The following SLC14A2 variants were observed in gnomAD, a reference collection of about 807,000 sequenced individuals.
SLC14A2 encodes urea transporter 2.
Under a neutral mutation model 104.6 loss-of-function variants are expected in SLC14A2, and 91 were observed. The observed-to-expected ratio is 0.87, with a 90% confidence interval of 0.73 to 1.04. SLC14A2 has a LOEUF of 1.04. SLC14A2 is among the 50% of genes least tolerant of loss of function. The pLI is 0.00. For synonymous variants in SLC14A2, 476 were observed against 466.4 expected, an observed-to-expected ratio of 1.02 and a Z score of -0.27; for missense variants, 1,189 against 1,156.0, an observed-to-expected ratio of 1.03 and a Z score of -0.41.
intron 1 of SLC14A2, among the ~76,000 whole-genome samples, chr18:45,323,226 C>A (rs1014424616): frequency 1.1e-4 from 17 of 152,278 alleles, no homozygotes; most frequent in African/African-American, 3.6e-4. Context: ...ACTGTTGGAA[C>A]AATAACCTCA....
intron 1 of SLC14A2, among the ~76,000 whole-genome samples, chr18:45,325,398 A>G (rs890886504): frequency 6.6e-6 from 1 of 152,204 alleles, no homozygotes. Flanking sequence ...CTTGTGACTT[A>G]CATACATTCA....
At chr18:45,595,571 C>T (rs80253502) in intron 2 of SLC14A2, among the ~76,000 whole-genome samples, 12,191 of 152,202 alleles carry the variant, frequency 0.08, 659 homozygotes, top group Non-Finnish European at 0.12. Context: ...ATGGTTGGGG[C>T]TAGAAATTGT....
At chr18:45,352,226 T>C (rs970809869) in intron 1 of SLC14A2, among the ~76,000 whole-genome samples, 8 of 152,044 alleles carry the variant, frequency 5.3e-5, no homozygotes, top group Non-Finnish European at 1.2e-4. Context: ...TTGAGTCCTG[T>C]GTAAATTTTC....
the SLC14A2 span, chr18:45,180,981 C>T: frequency 1.3e-5 from 2 of 152,354 alleles, no homozygotes; most frequent in Non-Finnish European, 2.9e-5. Flanking sequence ...GGACACTGTC[C>T]TAGCCAACTG....
chr18:45,271,204 T>A (rs1344083862), intron 1 of SLC14A2, among the ~76,000 whole-genome samples: 1 of 152,178 alleles, frequency 6.6e-6, no homozygotes, highest in Non-Finnish European at 1.5e-5. Flanking sequence ...GTAATTCTTA[T>A]CTGAGCAAGT....
At chr18:45,172,700 C>A in the SLC14A2 span, among the ~76,000 whole-genome samples, 1 of 152,116 alleles carries the variant, frequency 6.6e-6, no homozygotes, top group Non-Finnish European at 1.5e-5. Flanking sequence ...TTTCTGAAGT[C>A]ATGTCTGATG....
At chr18:45,358,756 T>C (rs2085580541) in intron 1 of SLC14A2, among the ~76,000 whole-genome samples, 1 of 152,122 alleles carries the variant, frequency 6.6e-6, no homozygotes, top group South Asian at 2.1e-4. Context: ...TTTTCGTATT[T>C]TTTTTGCAAA....
intron 2 of SLC14A2, among the ~76,000 whole-genome samples, chr18:45,589,592 A>G (rs2044618287): frequency 6.6e-6 from 1 of 152,192 alleles, no homozygotes; most frequent in Non-Finnish European, 1.5e-5. Flanking sequence ...ATTCATAGTC[A>G]TTCCGGATCA....
At chr18:45,249,743 A>G (rs2084403096) in intron 1 of SLC14A2, among the ~76,000 whole-genome samples, 3 of 152,150 alleles carry the variant, frequency 2.0e-5, no homozygotes, top group Non-Finnish European at 4.4e-5. Context: ...TGAGTCCAGG[A>G]GTTCAAGACT....
intron 1 of SLC14A2, among the ~76,000 whole-genome samples, chr18:45,262,365 A>G (rs1430786783): frequency 1.3e-5 from 2 of 152,084 alleles, no homozygotes; most frequent in African/African-American, 4.8e-5. Flanking sequence ...ACCACTGTAC[A>G]TGCTGCCCCT....
At chr18:45,552,785 G>T (rs1278947634) in intron 2 of SLC14A2, among the ~76,000 whole-genome samples, 1 of 152,206 alleles carries the variant, frequency 6.6e-6, no homozygotes, top group Non-Finnish European at 1.5e-5. Context: ...ATGGGCACTT[G>T]CCCAGCATGT....
chr18:45,531,848 T>C (rs1225969567), intron 2 of SLC14A2, among the ~76,000 whole-genome samples: 4 of 152,222 alleles, frequency 2.6e-5, no homozygotes, highest in African/African-American at 9.7e-5. Context: ...AACATGTAAG[T>C]CTTTAATCCA....
At position 45,362,675 on chromosome 18, in the gene SLC14A2, A is replaced by G. The variant is rs191064682; in HGVS notation, c.-124-120558A>G. On this transcript the variant is annotated intron_variant, in intron 1 of 20. Transcript: ENST00000586448. ...AGGATTTAGGGCATTAGCTGCTACCAGGTAGGGCCACCCACGTTCTGTCCA... is the reference window on the plus strand; with the variant it reads ...AGGATTTAGGGCATTAGCTGCTACCGGGTAGGGCCACCCACGTTCTGTCCA... Among the ~76,000 whole-genome samples the G allele has an allele frequency of 1.6e-3, 250 of 152,308 alleles. 4 individuals are homozygous for G. Among genetic ancestry groups the G allele is most frequent in the South Asian group, 1.7e-3 (8 of 4,826 alleles).
chr18:45,666,957 G>A lies in SLC14A2; in HGVS notation c.1580G>A (p.Ser527Asn), dbSNP rs1321148820. Reference sequence around the variant, plus strand: ...CAGGATCTGGACACCATGGAGGAGAGCTCTGAGATAAAAGTGGAAACAAAC... The same window carrying A: ...CAGGATCTGGACACCATGGAGGAGAACTCTGAGATAAAAGTGGAAACAAAC... ...ELLDLDTMEE[S>N]SEIKVETNIS... is the part of the protein sequence containing the mutation. The change falls in exon 13 of 20, where the codon AGC (serine) becomes AAC (asparagine). Residue 527 changes from serine (S) to asparagine (N), a missense_variant. By Grantham distance (46) the Ser-to-Asn change is conservative. Transcript: ENST00000255226. 6.2e-7 allele frequency: 1 copy of A among 1,614,016 alleles called. No homozygotes were observed.
intron 1 of SLC14A2, among the ~76,000 whole-genome samples, chr18:45,319,854 G>A (rs1036705487): frequency 2.6e-5 from 4 of 152,132 alleles, no homozygotes; most frequent in Admixed American, 2.6e-4. Flanking sequence ...AGAAATGCTG[G>A]GTTTTCTCCT....
intron 1 of SLC14A2, among the ~76,000 whole-genome samples, chr18:45,295,931 G>C (rs558877324): frequency 1.3e-5 from 2 of 152,188 alleles, no homozygotes; most frequent in East Asian, 3.9e-4. Flanking sequence ...GCTGTTGTGA[G>C]CATAAATACT....
chr18:45,504,521 T>C (rs1598932209), intron 2 of SLC14A2, among the ~76,000 whole-genome samples: 1 of 152,220 alleles, frequency 6.6e-6, no homozygotes, highest in Admixed American at 6.5e-5. Context: ...TGGCTGCTAG[T>C]TAATATCCTG....
intron 2 of SLC14A2, among the ~76,000 whole-genome samples, chr18:45,610,273 G>C (rs2044950999): frequency 6.6e-6 from 1 of 152,180 alleles, no homozygotes; most frequent in Non-Finnish European, 1.5e-5. Context: ...AGCTGATGCT[G>C]AACCCTCATT....
At chr18:45,346,827 T>C (rs889564916) in intron 1 of SLC14A2, among the ~76,000 whole-genome samples, 9 of 151,982 alleles carry the variant, frequency 5.9e-5, no homozygotes, top group Admixed American at 2.0e-4. Flanking sequence ...CCTGGCGTGG[T>C]GGCGGGCACC....
Sources: allele counts gnomAD v4.1 joint callset (sites outside exome capture counted in the v4.1 genomes callset), GRCh38; gene constraint gnomAD v4.1.1; transcripts MANE v1.5; gene names NCBI Gene and HGNC (gene_info 2026-07-23, HGNC 2026-07-21).